Variants in COL13A1 observed in about 807,000 individuals in gnomAD.
COL13A1 encodes the protein collagen type XIII alpha 1 chain.
In COL13A1, 89 loss-of-function variants were observed where a neutral mutation model predicts 130.9. The ratio of observed to expected loss-of-function variants is 0.68; its 90% CI spans 0.57 to 0.81. The LOEUF (loss-of-function observed/expected upper bound fraction) is 0.81, where lower values mean the gene tolerates loss of function less well. Ranked by LOEUF, COL13A1 falls within the 30% of genes least tolerant of loss-of-function variation. COL13A1 has a pLI of 0.00. For synonymous variants in COL13A1, 402 were observed against 341.6 expected, an observed-to-expected ratio of 1.18 and a Z score of -1.95; for missense variants, 879 against 934.6, an observed-to-expected ratio of 0.94 and a Z score of 0.78.
intron 27 of COL13A1, among the ~76,000 whole-genome samples, chr10:69,928,668 G>A (rs368673366): frequency 9.2e-5 from 14 of 152,262 alleles, no homozygotes; most frequent in East Asian, 1.9e-4. Flanking sequence ...CCCAAAGGGC[G>A]ACCAGAGATG....
At chr10:69,849,985 C>T (rs1027254198) in intron 2 of COL13A1, among the ~76,000 whole-genome samples, 1 of 152,142 alleles carries the variant, frequency 6.6e-6, no homozygotes, top group South Asian at 2.1e-4. Context: ...CCATTAGGAG[C>T]TGTTAGCACA....
At chr10:69,933,493 G>A (rs2066431592) in intron 31 of COL13A1, among the ~76,000 whole-genome samples, 1 of 152,172 alleles carries the variant, frequency 6.6e-6, no homozygotes, top group Non-Finnish European at 1.5e-5. Flanking sequence ...AAGGATGCGT[G>A]AGAGACAGGA....
At chr10:69,824,095 T>G (rs1410432418) in intron 2 of COL13A1, 17 of 472,138 alleles carry the variant, frequency 3.6e-5, no homozygotes, top group Non-Finnish European at 7.5e-5. Context: ...CATGGACCAG[T>G]CTTATGACCT....
chr10:69,897,624 T>G (rs1473332689), intron 13 of COL13A1: 5 of 1,386,578 alleles, frequency 3.6e-6, no homozygotes, highest in Non-Finnish European at 5.0e-6. Flanking sequence ...GCCCCGGCAG[T>G]GGGAGCGGGT....
chr10:69,886,022 T>C (rs957998667), intron 7 of COL13A1, among the ~76,000 whole-genome samples: 2 of 152,154 alleles, frequency 1.3e-5, no homozygotes, highest in Admixed American at 1.3e-4. Flanking sequence ...GACACTTATA[T>C]TCGTGGCTTC....
chr10:69,875,188 T>C (rs1564915615), intron 5 of COL13A1, 25 bp downstream of exon 5: 3 of 1,613,864 alleles, frequency 1.9e-6, no homozygotes, highest in Non-Finnish European at 2.5e-6. Flanking sequence ...TTGTACCTGC[T>C]CAGGTGGCCA....
At position 69,875,122 on chromosome 10, in the gene COL13A1, C is replaced by G; in HGVS notation, c.400-6C>G. ...ATCTGACTGTTTCTGCCTCCTTCATCATCAGGGGGACAAAGGTGCCATTGG... is the reference window on the plus strand; with the variant it reads ...ATCTGACTGTTTCTGCCTCCTTCATGATCAGGGGGACAAAGGTGCCATTGG... On this transcript the variant is annotated splice_polypyrimidine_tract_variant and splice_region_variant and intron_variant, in intron 4 of 40. Transcript: ENST00000645393. The G allele has an allele frequency of 1.9e-6, 3 of 1,614,004 alleles. No individual in the cohort carries two copies. Among genetic ancestry groups the G allele is most frequent in the Non-Finnish European group, 2.5e-6 (3 of 1,179,892 alleles).
chr10:69,896,990 T>C (rs556888811), intron 13 of COL13A1, among the ~76,000 whole-genome samples: 11 of 152,168 alleles, frequency 7.2e-5, no homozygotes, highest in Non-Finnish European at 1.5e-4. Context: ...TGCAGACGCT[T>C]TGGTAGTGTG....
At chr10:69,924,648 C>T (rs2065112260) in intron 24 of COL13A1, among the ~76,000 whole-genome samples, 1 of 152,062 alleles carries the variant, frequency 6.6e-6, no homozygotes, top group Non-Finnish European at 1.5e-5. Context: ...AAGCAAACGT[C>T]CCTGCTCCAA....
At chr10:69,898,295 G>C (rs2061855677) in intron 13 of COL13A1, among the ~76,000 whole-genome samples, 1 of 152,238 alleles carries the variant, frequency 6.6e-6, no homozygotes, top group Non-Finnish European at 1.5e-5. Flanking sequence ...GGGGCTGGCA[G>C]TGCAACGTTG....
At chr10:69,920,989 A>G (rs1277247889) in intron 21 of COL13A1, among the ~76,000 whole-genome samples, 1 of 152,188 alleles carries the variant, frequency 6.6e-6, no homozygotes, top group Non-Finnish European at 1.5e-5. Flanking sequence ...GTTCTTCCGT[A>G]GTGGAAGAAG....
intron 20 of COL13A1, 83 bp downstream of exon 20, chr10:69,919,171 T>C (rs1458317325): frequency 3.2e-6 from 5 of 1,579,400 alleles, no homozygotes; most frequent in Non-Finnish European, 4.3e-6. Context: ...TGTTTTGCTC[T>C]TGGTCCCCCT....
chr10:69,918,871 C>G (rs1303040166), intron 19 of COL13A1, among the ~76,000 whole-genome samples, 191 bp from the exon 20 acceptor site: 1 of 152,208 alleles, frequency 6.6e-6, no homozygotes, highest in Non-Finnish European at 1.5e-5. Context: ...ATAGGACCCT[C>G]TAAGGGTCAG....
At chr10:69,900,701 G>T (rs1446178874) in intron 14 of COL13A1, among the ~76,000 whole-genome samples, 1 of 152,234 alleles carries the variant, frequency 6.6e-6, no homozygotes, top group African/African-American at 2.4e-5. Flanking sequence ...GATGTGCTTA[G>T]CAGATGGTGT....
In COL13A1 at chr10:69,898,745, A is replaced by G; in HGVS notation, c.733A>G (p.Lys245Glu). The G allele has an allele frequency of 1.2e-6, 2 of 1,613,314 alleles. No homozygotes were observed. Among genetic ancestry groups the G allele is most frequent in the Non-Finnish European group, 1.7e-6 (2 of 1,179,572 alleles). Residue 245 changes from lysine (K) to glutamate (E), a missense_variant, in exon 14 of 41, where the codon AAA becomes GAA. Transcript: ENST00000645393. ...GCGACTGGCTCCACCCCCGGTCATA[A>G]AAAGGCGGACGTTCCAGGTAGACAC... ...SVRLAPPPVI[K>E]RRTFQGEQSQ...
At chr10:69,900,257 T>C (rs992828620) in intron 14 of COL13A1, among the ~76,000 whole-genome samples, 1 of 152,214 alleles carries the variant, frequency 6.6e-6, no homozygotes, top group Non-Finnish European at 1.5e-5. Flanking sequence ...GTGTATCAGC[T>C]GTTCTTTTTT....
chr10:69,864,106 T>A (rs970570367), intron 2 of COL13A1, among the ~76,000 whole-genome samples: 7 of 152,114 alleles, frequency 4.6e-5, no homozygotes, highest in South Asian at 2.1e-4. Flanking sequence ...TAAATTAAAA[T>A]TTTTTAACCT....
chr10:69,831,155 T>C (rs1012954031), intron 2 of COL13A1, among the ~76,000 whole-genome samples: 2 of 152,252 alleles, frequency 1.3e-5, no homozygotes, highest in African/African-American at 4.8e-5. Flanking sequence ...ATCCTTCATG[T>C]CTGCCTCTAA....
chr10:69,806,501 C>A (rs1224911977), intron 1 of COL13A1, among the ~76,000 whole-genome samples: 2 of 152,194 alleles, frequency 1.3e-5, no homozygotes, highest in Non-Finnish European at 2.9e-5. Context: ...TGTGGGGAAC[C>A]AGGAGTGTGC....
Sources: gnomAD v4.1 joint callset for allele counts (sites outside exome capture counted in the v4.1 genomes callset) on GRCh38, gnomAD v4.1.1 for gene constraint, MANE v1.5 for transcripts, NCBI Gene and HGNC (gene_info 2026-07-23, HGNC 2026-07-21) for gene names.